RSAD2: variants seen among roughly 807,000 people sequenced by gnomAD.
RSAD2 encodes S-adenosylmethionine-dependent nucleotide dehydratase RSAD2.
Under a neutral mutation model 37.7 loss-of-function variants are expected in RSAD2, and 38 were observed. The observed-to-expected ratio is 1.01, with a 90% CI of 0.78 to 1.32. The LOEUF (loss-of-function observed/expected upper bound fraction) is 1.32, where lower values mean the gene tolerates loss of function less well. Ranked by LOEUF, RSAD2 falls within the 40% of genes most tolerant of loss-of-function variation. The pLI, the probability that RSAD2 is intolerant of heterozygous loss-of-function variation, is 0.00. For missense variants in RSAD2, 428 were observed against 437.5 expected (o/e 0.98, Z 0.19); for synonymous variants, 163 against 157.4 (o/e 1.04, Z -0.27).
intron 1 of RSAD2, among the ~76,000 whole-genome samples, chr2:6,872,099 A>G (rs1209270675): frequency 6.6e-6 from 1 of 152,134 alleles, no homozygotes; most frequent in Non-Finnish European, 1.5e-5. Flanking sequence ...ACTTTCGGTA[A>G]TGGTTATGTT....
chr2:6,894,987 A>C (rs1663708722), intron 5 of RSAD2, among the ~76,000 whole-genome samples: 1 of 152,250 alleles, frequency 6.6e-6, no homozygotes, highest in Non-Finnish European at 1.5e-5. Flanking sequence ...TTTGGAAAAC[A>C]CATCGTTGAA....
chr2:6,872,165 T>C (rs1273190959), intron 1 of RSAD2, among the ~76,000 whole-genome samples: 1 of 152,190 alleles, frequency 6.6e-6, no homozygotes, highest in Non-Finnish European at 1.5e-5. Flanking sequence ...ACTATAGCTA[T>C]AGAATTTTTC....
intron 2 of RSAD2, among the ~76,000 whole-genome samples, chr2:6,885,887 A>G (rs2103244917): frequency 6.6e-6 from 1 of 152,214 alleles, no homozygotes; most frequent in Non-Finnish European, 1.5e-5. Flanking sequence ...GAACGTTTTG[A>G]GTTGTTTTAA....
In RSAD2 at chr2:6,878,199, G is replaced by A. The variant is rs983646258; in HGVS notation, c.346+53G>A. The stretch of plus-strand genomic sequence containing the variant: ...AGGATTCTCAACCACTGGGCAGTGG[G>A]GTAAGGCGAGAAGGGGCTGGGGGTA... On this transcript the variant is annotated intron_variant, in intron 1 of 5. Coordinates refer to ENST00000382040, the MANE Select transcript of RSAD2 (RefSeq NM_080657.5). The A allele has an allele frequency of 1.4e-5, 21 of 1,494,788 alleles. No individual in the cohort carries two copies. The African/African-American group carries it at 2.8e-4, about 20-fold the overall frequency. The allele number at this position is 1,494,788 out of a possible 1,614,324, so 92.6% of individuals were successfully genotyped here. A position where few individuals can be genotyped will look rare whatever the true frequency, so the allele number is the denominator to read the frequency against.
In RSAD2 at chr2:6,884,137, C is replaced by T. The variant is rs565823179; in HGVS notation, c.508+605C>T. Among the ~76,000 whole-genome samples the T allele has an allele frequency of 1.2e-4, 19 of 152,328 alleles. No homozygotes were observed. In the East Asian group the frequency reaches 2.3e-3, roughly 19 times the overall value. ...GTTGGGAAACAGGTATAATCTGTTA[C>T]AGTACAATTCTCTGTTCTTGTTTAT... is the stretch of plus-strand genomic sequence containing the variant. On this transcript the variant is annotated intron_variant, in intron 2 of 5. Coordinates refer to ENST00000382040, the MANE Select transcript of RSAD2 (RefSeq NM_080657.5).
chr2:6,885,442 A>T (rs901127472), intron 2 of RSAD2, among the ~76,000 whole-genome samples: 1 of 152,200 alleles, frequency 6.6e-6, no homozygotes, highest in African/African-American at 2.4e-5. Context: ...TGACAAGTTG[A>T]TTCAACATGC....
intron 5 of RSAD2, among the ~76,000 whole-genome samples, chr2:6,895,575 A>T (rs764802589): frequency 6.6e-6 from 1 of 152,208 alleles, no homozygotes; most frequent in Non-Finnish European, 1.5e-5. Flanking sequence ...TGTCTACTGT[A>T]CTTAGCCCAG....
intron 1 of RSAD2, among the ~76,000 whole-genome samples, chr2:6,881,870 C>G (rs1368407959): frequency 1.3e-5 from 2 of 150,926 alleles, no homozygotes; most frequent in Non-Finnish European, 2.9e-5. Flanking sequence ...ATGCATAGAC[C>G]CCATCCTCCT....
chr2:6,890,070 G>A, intron 3 of RSAD2, 106 bp from the exon 4 acceptor site: 1 of 1,034,230 alleles, frequency 9.7e-7, no homozygotes. Context: ...TCAGCTCGTA[G>A]AGTCTCTTTG....
In RSAD2 at chr2:6,896,197, AGTTT is replaced by A. The variant is rs1017764375; in HGVS notation, c.*260_*263del. Reference sequence around the variant, plus strand: ...TATTGAAACAGCACTTCTGTTTTTGAGTTTGTTTTAGCTAAAAAGAAGGAATACA... The same window carrying A: ...TATTGAAACAGCACTTCTGTTTTTGAGTTTTAGCTAAAAAGAAGGAATACA... On this transcript the variant is annotated 3_prime_UTR_variant, in exon 6 of 6. Coordinates refer to ENST00000382040, the MANE Select transcript of RSAD2 (RefSeq NM_080657.5). 8.2e-5 allele frequency: 30 copies of A among 367,424 alleles called. No homozygotes were observed. Among genetic ancestry groups the A allele is most frequent in the African/African-American group, 4.7e-4 (23 of 49,184 alleles). 22.8% of individuals were successfully genotyped at this position (367,424 alleles called of 1,614,324 possible).
At chr2:6,883,030 G>T (rs1229200056) in intron 1 of RSAD2, among the ~76,000 whole-genome samples, 1 of 152,228 alleles carries the variant, frequency 6.6e-6, no homozygotes, top group Non-Finnish European at 1.5e-5. Context: ...GTCAGGAGGA[G>T]TGTCATTCTC....
intron 1 of RSAD2, among the ~76,000 whole-genome samples, chr2:6,871,001 T>A (rs1425459756): frequency 6.6e-6 from 1 of 152,220 alleles, no homozygotes; most frequent in Non-Finnish European, 1.5e-5. Flanking sequence ...GTGGGACTCC[T>A]TTAAAATTCC....
At chr2:6,877,637 G>A (rs1663307783), upstream of RSAD2, 1 of 609,582 alleles carries the variant, frequency 1.6e-6, no homozygotes, top group African/African-American at 1.8e-5. Flanking sequence ...TCAACTTTCA[G>A]TTTCACATGT....
At chr2:6,870,710 G>A (rs916465008) in intron 1 of RSAD2, among the ~76,000 whole-genome samples, 1 of 152,206 alleles carries the variant, frequency 6.6e-6, no homozygotes, top group Non-Finnish European at 1.5e-5. Context: ...AGACGCTGGA[G>A]AGGACTTTCC....
Position 6,878,006 on chromosome 2 carries a change from C to T in RSAD2, c.206C>T (p.Pro69Leu). The T allele has an allele frequency of 1.2e-6, 2 of 1,614,152 alleles. No homozygotes were observed. Among genetic ancestry groups the T allele is most frequent in the Non-Finnish European group, 1.7e-6 (2 of 1,180,016 alleles). Residue 69 changes from proline to leucine, a missense_variant, in exon 1 of 6, where the codon CCC (proline) becomes CTC (leucine). By Grantham distance (98) the Pro-to-Leu change is moderately conservative. Transcript: ENST00000382040. ...GAGGAGGAAGAGGACCCTCCTCTGC[C>T]CACCACCCCAACCAGCGTCAACTAT... ...TKEEEEDPPL[P>L]TTPTSVNYHF...
At chr2:6,872,769 T>C (rs2103236156) in intron 1 of RSAD2, among the ~76,000 whole-genome samples, 1 of 152,328 alleles carries the variant, frequency 6.6e-6, no homozygotes, top group Middle Eastern at 3.4e-3. Flanking sequence ...AAATCGTATA[T>C]GAGTCTTTCT....
intron 4 of RSAD2, among the ~76,000 whole-genome samples, chr2:6,892,342 A>G (rs1262106328): frequency 6.6e-6 from 1 of 152,210 alleles, no homozygotes; most frequent in Non-Finnish European, 1.5e-5. Flanking sequence ...AAAGAAGAGA[A>G]AGGGGGTAGA....
chr2:6,885,964 C>A (rs1049641284), intron 2 of RSAD2, among the ~76,000 whole-genome samples: 1 of 152,130 alleles, frequency 6.6e-6, no homozygotes, highest in East Asian at 1.9e-4. Context: ...ATGTTACATA[C>A]GGATAAAATA....
chr2:6,877,844 G>A lies in RSAD2; in HGVS notation c.44G>A (p.Ser15Asn). ...GCTGCTTTTGCTGGGAAGCTCTTGA[G>A]TGTGTTCAGGCAACCTCTGAGCTCT... ...TPAAFAGKLL[S>N]VFRQPLSSLW... is the part of the protein sequence containing the mutation. The change falls in exon 1 of 6, where the codon AGT becomes AAT. Residue 15 changes from serine (S) to asparagine (N), a missense_variant. Transcript: ENST00000382040. 4 of 1,614,054 alleles carry A rather than the reference G, an allele frequency of 2.5e-6. No individual in the cohort carries two copies. The highest frequency in any genetic ancestry group is 3.4e-6 in the Non-Finnish European group (4 of 1,180,006).
Sources: gnomAD v4.1 joint callset for allele counts (sites outside exome capture counted in the v4.1 genomes callset) on GRCh38, gnomAD v4.1.1 for gene constraint, MANE v1.5 for transcripts, NCBI Gene and HGNC (gene_info 2026-07-23, HGNC 2026-07-21) for gene names.